The following DGKD variants were observed in gnomAD, a reference collection of about 807,000 sequenced individuals.
The protein encoded by DGKD is diacylglycerol kinase delta, also known as DAG kinase delta.
A neutral mutation model predicts 154.4 loss-of-function variants in DGKD; 68 were observed. The observed-to-expected ratio is 0.44, with a 90% CI of 0.36 to 0.54. The LOEUF (loss-of-function observed/expected upper bound fraction) is 0.54. Among genes scored for constraint, DGKD ranks in the 20% least tolerant of loss-of-function variants. The pLI, the probability that DGKD is intolerant of heterozygous loss-of-function variation, is 0.00. For missense variants in DGKD, 1,343 were observed against 1,593.6 expected (o/e 0.84, Z 2.68); for synonymous variants, 693 against 638.0 (o/e 1.09, Z -1.30).
intron 3 of DGKD, among the ~76,000 whole-genome samples, chr2:233,425,261 A>C (rs1030937665): frequency 1.3e-5 from 2 of 152,062 alleles, no homozygotes; most frequent in African/African-American, 4.8e-5. Context: ...ATCTTGGCTC[A>C]CTGCAAATTC....
At chr2:233,367,954 A>G (rs1702120509) in intron 1 of DGKD, among the ~76,000 whole-genome samples, 1 of 149,046 alleles carries the variant, frequency 6.7e-6, no homozygotes. Context: ...GGCCTCCCAA[A>G]GTTCTGGGAT....
Position 233,416,085 on chromosome 2 carries a change from G to A in DGKD, c.349-18295G>A, listed in dbSNP as rs576205028. Among the ~76,000 whole-genome samples the A allele has an allele frequency of 3.6e-4, 55 of 152,202 alleles. 1 individual carries two copies. The South Asian group carries it at 7.5e-3, about 21-fold the overall frequency. ...GTCCTGCCTTTTTTAAACACAATAC[G>A]ATGACATCAGTATGTCCCCCTTTCC... is the stretch of plus-strand genomic sequence containing the variant. On this transcript the variant is annotated intron_variant, in intron 3 of 29. Transcript: ENST00000264057.
intron 3 of DGKD, among the ~76,000 whole-genome samples, chr2:233,424,143 C>T (rs932118963): frequency 2.0e-5 from 3 of 152,318 alleles, no homozygotes; most frequent in Admixed American, 2.0e-4. Flanking sequence ...GTTGTGGTCC[C>T]CGGGCCTCAC....
chr2:233,413,637 T>A (rs2125521734), intron 3 of DGKD, among the ~76,000 whole-genome samples: 1 of 152,320 alleles, frequency 6.6e-6, no homozygotes, highest in East Asian at 1.9e-4. Context: ...TTGCTGTATC[T>A]CTATTCCTTG....
rs1256640491 is a variant in DGKD, at chr2:233,459,916, T to TGGGTG, written c.2829+30_2829+34dup. 28 of 1,610,082 alleles carry TGGGTG rather than the reference T, an allele frequency of 1.7e-5. No individual in the cohort carries two copies. The highest frequency in any genetic ancestry group is 2.4e-5 in the Non-Finnish European group (28 of 1,177,990). ...GGTAAGAGCGGCTGCCCGCGGTACC[T>TGGGTG]GGGTGGGGTACAGGGCTCACCTGTG... On this transcript the variant is annotated intron_variant, in intron 23 of 29. Coordinates refer to ENST00000264057, the MANE Select transcript of DGKD (RefSeq NM_152879.3). This position sits in a 1 kb window ranked among gnomAD's most constrained non-coding sequence, Gnocchi z 5.7.
intron 1 of DGKD, among the ~76,000 whole-genome samples, chr2:233,357,397 A>C (rs1559465534): frequency 6.6e-6 from 1 of 152,236 alleles, no homozygotes; most frequent in East Asian, 1.9e-4. Flanking sequence ...AAAACAAAAG[A>C]GAATGTCTTA....
At chr2:233,436,751 G>A (rs1485194432) in intron 7 of DGKD, among the ~76,000 whole-genome samples, 1 of 152,392 alleles carries the variant, frequency 6.6e-6, no homozygotes. Flanking sequence ...TGAGCTGGCC[G>A]CCTCTGTGGT....
At position 233,430,004 on chromosome 2, in the gene DGKD, G is replaced by T. The variant is rs866929565; in HGVS notation, c.349-4376G>T. Among the ~76,000 whole-genome samples, 6 of 152,280 alleles carry T rather than the reference G, an allele frequency of 3.9e-5. No homozygotes were observed. The South Asian group carries it at 1.2e-3, about 32-fold the overall frequency. ...CATGGTCATTTAATAATTTAAATTG[G>T]GTATTCCTAAATTGGGTCTTCTTAA... On this transcript the variant is annotated intron_variant, in intron 3 of 29. Coordinates refer to ENST00000264057, the MANE Select transcript of DGKD (RefSeq NM_152879.3).
At chr2:233,424,149 C>T (rs2062214411) in intron 3 of DGKD, among the ~76,000 whole-genome samples, 1 of 152,190 alleles carries the variant, frequency 6.6e-6, no homozygotes, top group African/African-American at 2.4e-5. Context: ...GTCCCCGGGC[C>T]TCACATTAAT....
chr2:233,448,481 G>C (rs769902352), intron 14 of DGKD, 106 bp downstream of exon 14: 2 of 995,064 alleles, frequency 2.0e-6, no homozygotes, highest in Non-Finnish European at 3.0e-6. Context: ...TTGGTGATTT[G>C]AACAAAGAAT....
chr2:233,385,574 C>T (rs1484523295), intron 1 of DGKD, among the ~76,000 whole-genome samples: 1 of 152,162 alleles, frequency 6.6e-6, no homozygotes, highest in Non-Finnish European at 1.5e-5. Context: ...CCGGCATGGC[C>T]CGAGCGAACT....
intron 3 of DGKD, among the ~76,000 whole-genome samples, chr2:233,429,639 A>G (rs2062439904): frequency 6.6e-6 from 1 of 152,222 alleles, no homozygotes; most frequent in Non-Finnish European, 1.5e-5. Context: ...TCCCCAGTCT[A>G]GAGGAGACAC....
intron 16 of DGKD, among the ~76,000 whole-genome samples, chr2:233,450,625 T>C (rs2063245649): frequency 6.6e-6 from 1 of 152,152 alleles, no homozygotes; most frequent in African/African-American, 2.4e-5. Context: ...TGGCCACCAC[T>C]GAGAGCTCTG....
At chr2:233,396,259 T>C (rs1362784262) in intron 3 of DGKD, among the ~76,000 whole-genome samples, 1 of 152,214 alleles carries the variant, frequency 6.6e-6, no homozygotes, top group Non-Finnish European at 1.5e-5. Context: ...GCCTGATTTC[T>C]TCCTCACTCC....
At chr2:233,403,856 G>A (rs774474417) in intron 3 of DGKD, among the ~76,000 whole-genome samples, 3 of 151,944 alleles carry the variant, frequency 2.0e-5, no homozygotes, top group Admixed American at 6.5e-5. Flanking sequence ...TGGCCAGGCC[G>A]GTCTCGAACT....
chr2:233,357,579 C>A (rs1387890942), intron 1 of DGKD, among the ~76,000 whole-genome samples: 1 of 150,160 alleles, frequency 6.7e-6, no homozygotes, highest in East Asian at 1.9e-4. Context: ...ACTTTGTCAC[C>A]CAGGCTGGAG....
chr2:233,370,815 A>G (rs1702281660), intron 1 of DGKD, among the ~76,000 whole-genome samples: 2 of 151,906 alleles, frequency 1.3e-5, no homozygotes, highest in South Asian at 4.2e-4. Flanking sequence ...GCAGTGGTGC[A>G]GTCATGGCTC....
intron 3 of DGKD, 67 bp downstream of exon 3, chr2:233,390,550 A>ATG (rs1703531178): frequency 8.3e-7 from 1 of 1,205,732 alleles, no homozygotes. Flanking sequence ...TGATCTGAAC[A>ATG]TGTGTCCAAG....
Position 233,452,099 on chromosome 2 carries a change from A to C in DGKD, c.2264+39A>C. On this transcript the variant is annotated intron_variant, in intron 18 of 29. Transcript: ENST00000264057. This position sits in a 1 kb window ranked among gnomAD's most constrained non-coding sequence, Gnocchi z 4.0. ...ATAAACCGAGTGGGCATATTGTTAC[A>C]TGGCTGCTAGTGCATAGAAAACAGA... The C allele has an allele frequency of 6.4e-7, 1 of 1,561,916 alleles. No individual in the cohort carries two copies. The highest frequency in any genetic ancestry group is 8.8e-7 in the Non-Finnish European group (1 of 1,132,924).
Sources: allele counts gnomAD v4.1 joint callset (sites outside exome capture counted in the v4.1 genomes callset), GRCh38; gene constraint gnomAD v4.1.1; non-coding constraint Gnocchi (gnomAD v3.1); transcripts MANE v1.5; gene names NCBI Gene and HGNC (gene_info 2026-07-23, HGNC 2026-07-21).